Variants in DCDC1 observed in about 807,000 individuals in gnomAD.
DCDC1 encodes the protein doublecortin domain containing 1.
Under a neutral mutation model 178.3 loss-of-function variants are expected in DCDC1, and 200 were observed. The ratio of observed to expected loss-of-function variants is 1.12; its 90% confidence interval spans 1.00 to 1.26. The LOEUF (loss-of-function observed/expected upper bound fraction) is 1.26. Among genes scored for constraint, DCDC1 ranks in the 50% most tolerant of loss-of-function variants. The pLI is 0.00. For missense variants in DCDC1, 1,983 were observed against 1,749.2 expected, an observed-to-expected ratio of 1.13 and a Z score of -2.38; for synonymous variants, 690 against 604.8, an observed-to-expected ratio of 1.14 and a Z score of -2.07.
chr11:31,049,605 C>A (rs919916530), intron 20 of DCDC1, among the ~76,000 whole-genome samples: 1 of 152,062 alleles, frequency 6.6e-6, no homozygotes, highest in African/African-American at 2.4e-5. Context: ...ACCAGCAATC[C>A]CAAGAGGACC....
intron 20 of DCDC1, among the ~76,000 whole-genome samples, chr11:30,985,212 G>A (rs1950578938): frequency 6.6e-6 from 1 of 152,162 alleles, no homozygotes; most frequent in Non-Finnish European, 1.5e-5. Flanking sequence ...AAGGTAAGGA[G>A]CTTTAGAAGG....
intron 9 of DCDC1, among the ~76,000 whole-genome samples, chr11:31,217,144 A>T (rs1973690357): frequency 6.6e-6 from 1 of 152,180 alleles, no homozygotes; most frequent in Non-Finnish European, 1.5e-5. Flanking sequence ...GGTAAGAGGC[A>T]CACTCAACTT....
At chr11:31,280,228 GCC>G (rs1309087251) in intron 7 of DCDC1, among the ~76,000 whole-genome samples, 3 of 152,082 alleles carry the variant, frequency 2.0e-5, no homozygotes, top group African/African-American at 7.2e-5. Flanking sequence ...TTCAACCCTT[GCC>G]TTTAAGAGGC....
At chr11:31,322,987 T>C (rs1186444684) in intron 3 of DCDC1, among the ~76,000 whole-genome samples, 2 of 152,240 alleles carry the variant, frequency 1.3e-5, no homozygotes, top group African/African-American at 4.8e-5. Flanking sequence ...TAAACACCTT[T>C]ACTAATGTTG....
At chr11:30,955,853 A>C (rs1224563582) in intron 20 of DCDC1, among the ~76,000 whole-genome samples, 1 of 152,144 alleles carries the variant, frequency 6.6e-6, no homozygotes, top group Non-Finnish European at 1.5e-5. Flanking sequence ...TAAATAAATA[A>C]ACCAACTCTG....
intron 12 of DCDC1, among the ~76,000 whole-genome samples, chr11:31,109,596 T>C (rs1959071513): frequency 6.6e-6 from 1 of 152,048 alleles, no homozygotes; most frequent in Admixed American, 6.6e-5. Flanking sequence ...GAGAGGTAAG[T>C]CTGAGGGTGC....
chr11:31,121,446 G>A (rs1374206243), intron 11 of DCDC1, among the ~76,000 whole-genome samples: 1 of 146,550 alleles, frequency 6.8e-6, no homozygotes, highest in Non-Finnish European at 1.5e-5. Context: ...ATTTAAACTT[G>A]TCACTGTATT....
At chr11:31,174,677 T>G (rs1967752773) in intron 9 of DCDC1, among the ~76,000 whole-genome samples, 1 of 152,132 alleles carries the variant, frequency 6.6e-6, no homozygotes, top group Non-Finnish European at 1.5e-5. Flanking sequence ...TGAATCAGCA[T>G]GTACTTCCTC....
At chr11:31,213,125 C>G in intron 9 of DCDC1, among the ~76,000 whole-genome samples, 1 of 132,468 alleles carries the variant, frequency 7.5e-6, no homozygotes, top group South Asian at 2.6e-4. Flanking sequence ...CTCTCTCTCT[C>G]TCTCTCTCTC....
chr11:31,211,596 G>GA (rs775515915), intron 9 of DCDC1, among the ~76,000 whole-genome samples: 38 of 152,020 alleles, frequency 2.5e-4, no homozygotes, highest in Non-Finnish European at 5.1e-4. Context: ...TCTTTAATCG[G>GA]AAAAAATCCA....
intron 9 of DCDC1, among the ~76,000 whole-genome samples, chr11:31,184,435 A>C (rs1398166557): frequency 6.6e-6 from 1 of 152,212 alleles, no homozygotes; most frequent in Non-Finnish European, 1.5e-5. Context: ...AAAATTGACA[A>C]ATGGGATCTA....
intron 8 of DCDC1, among the ~76,000 whole-genome samples, chr11:31,247,510 A>G (rs1565492822): frequency 6.6e-6 from 1 of 151,832 alleles, no homozygotes; most frequent in Admixed American, 6.6e-5. Context: ...CTGTGTGTGG[A>G]AATAAGAGTT....
intron 20 of DCDC1, among the ~76,000 whole-genome samples, chr11:31,012,743 C>T (rs185894085): frequency 6.3e-4 from 96 of 151,816 alleles, no homozygotes; most frequent in African/African-American, 2.2e-3. Flanking sequence ...CAATGTATAA[C>T]CATAAGTAAA....
At chr11:30,892,756 G>T (rs1420239754) in intron 36 of DCDC1, 62 bp downstream of exon 36, 1 of 1,588,014 alleles carries the variant, frequency 6.3e-7, no homozygotes, top group East Asian at 2.2e-5. Context: ...AAACAATCTA[G>T]AAATATCAGA....
chr11:31,032,168 TGA>T (rs1953694039), intron 20 of DCDC1, among the ~76,000 whole-genome samples: 1 of 152,086 alleles, frequency 6.6e-6, no homozygotes, highest in African/African-American at 2.4e-5. Context: ...ATCAAATAAA[TGA>T]GAGGCCCACA....
rs1969557406 is a variant in DCDC1, at chr11:31,186,832, C to A, written c.1222-49048G>T. On this transcript the variant is annotated intron_variant, in intron 9 of 38. Transcript: ENST00000684477. ...TTCATACAGCTTCTCTGGAAACATC[C>A]TTCAAGACTAGCATCCAATTATATC... 1.3e-5 allele frequency among the ~76,000 whole-genome samples: 2 copies of A among 152,220 alleles called. 1 individual carries two copies. The highest frequency in any genetic ancestry group is 4.1e-4 in the South Asian group (2 of 4,826).
intron 4 of DCDC1, chr11:31,307,293 A>G: frequency 5.0e-6 from 1 of 201,910 alleles, no homozygotes. Context: ...ATTTCATTCA[A>G]TTCAATTCTG....
At chr11:31,118,443 G>A (rs112144276) in intron 11 of DCDC1, among the ~76,000 whole-genome samples, 2 of 151,958 alleles carry the variant, frequency 1.3e-5, no homozygotes, top group Admixed American at 6.6e-5. Flanking sequence ...TTTCACTTAC[G>A]AGAAAATCTG....
chr11:31,092,453 C>G (rs143772183), intron 16 of DCDC1, among the ~76,000 whole-genome samples: 2 of 152,320 alleles, frequency 1.3e-5, no homozygotes, highest in East Asian at 3.9e-4. Context: ...AGACACCATG[C>G]TTGAACATCA....
Sources: gnomAD v4.1 joint callset for allele counts (sites outside exome capture counted in the v4.1 genomes callset) on GRCh38, gnomAD v4.1.1 for gene constraint, MANE v1.5 for transcripts, NCBI Gene and HGNC (gene_info 2026-07-23, HGNC 2026-07-21) for gene names.